The following RABGAP1L variants were observed in gnomAD, a reference collection of about 807,000 sequenced individuals.
RABGAP1L encodes the protein rab GTPase-activating protein 1-like.
Under a neutral mutation model 137.7 loss-of-function variants are expected in RABGAP1L, and 63 were observed. That is an observed-to-expected ratio of 0.46 (90% CI 0.37 to 0.56). RABGAP1L has a LOEUF of 0.56. Ranked by LOEUF, RABGAP1L falls within the 20% of genes least tolerant of loss-of-function variation. RABGAP1L has a pLI of 0.00. For missense variants in RABGAP1L, 1,095 were observed against 1,244.0 expected (o/e 0.88, Z 1.80); for synonymous variants, 431 against 433.7 (o/e 0.99, Z 0.08).
intron 13 of RABGAP1L, among the ~76,000 whole-genome samples, chr1:174,629,716 G>A (rs1459875950): frequency 6.6e-6 from 1 of 152,042 alleles, no homozygotes; most frequent in East Asian, 1.9e-4. Context: ...GTAGAGACTG[G>A]GTTTCACCGT....
intron 19 of RABGAP1L, among the ~76,000 whole-genome samples, chr1:174,919,855 AC>A (rs1661512307): frequency 6.6e-6 from 1 of 152,142 alleles, no homozygotes; most frequent in South Asian, 2.1e-4. Context: ...TTGTCTCAAA[AC>A]AAAACAAAAA....
chr1:174,890,188 A>T (rs1420651599), intron 19 of RABGAP1L, among the ~76,000 whole-genome samples: 1 of 152,258 alleles, frequency 6.6e-6, no homozygotes, highest in Non-Finnish European at 1.5e-5. Flanking sequence ...AAGAGATAAC[A>T]GTCCAGTTTG....
intron 13 of RABGAP1L, among the ~76,000 whole-genome samples, chr1:174,451,912 A>G (rs527274660): frequency 6.6e-5 from 10 of 152,270 alleles, no homozygotes; most frequent in Middle Eastern, 3.4e-3. Context: ...ATCTCTATCA[A>G]TTTCTTTTTG....
At chr1:174,886,867 C>T (rs1186794430) in intron 19 of RABGAP1L, among the ~76,000 whole-genome samples, 5 of 151,150 alleles carry the variant, frequency 3.3e-5, no homozygotes, top group South Asian at 4.2e-4. Flanking sequence ...CGTGCAATGG[C>T]GCAATCTCGG....
At chr1:174,617,827 A>G (rs1330220145) in intron 13 of RABGAP1L, among the ~76,000 whole-genome samples, 1 of 152,216 alleles carries the variant, frequency 6.6e-6, no homozygotes, top group East Asian at 1.9e-4. Context: ...CATTTCCAAC[A>G]GAAGCACTGG....
At chr1:174,327,956 A>AATATATATATATATATACATAT (rs1553274442) in intron 11 of RABGAP1L, among the ~76,000 whole-genome samples, 9 of 97,948 alleles carry the variant, frequency 9.2e-5, no homozygotes, top group African/African-American at 4.0e-4. Flanking sequence ...AACAGTTGTA[A>AATATATATATATATATACATAT]ATATATATAT....
intron 18 of RABGAP1L, among the ~76,000 whole-genome samples, chr1:174,763,946 G>A (rs1426641226): frequency 6.6e-6 from 1 of 151,502 alleles, no homozygotes. Flanking sequence ...CACCCCATAA[G>A]CATAGTAGCC....
At chr1:174,460,613 T>C (rs1481380247) in intron 13 of RABGAP1L, among the ~76,000 whole-genome samples, 1 of 152,118 alleles carries the variant, frequency 6.6e-6, no homozygotes, top group Admixed American at 6.6e-5. Flanking sequence ...TTTAAGATTA[T>C]TTATGTATAT....
chr1:174,392,581 A>G (rs1300515938), intron 12 of RABGAP1L, among the ~76,000 whole-genome samples: 3 of 152,244 alleles, frequency 2.0e-5, no homozygotes, highest in African/African-American at 7.2e-5. Flanking sequence ...ATGGTTTACT[A>G]AAATTATTAA....
rs2148677409 is a variant in RABGAP1L at position 174,752,297 on chromosome 1, T to G, written c.2170-16T>G. The G allele has an allele frequency of 1.9e-6, 3 of 1,569,848 alleles. No individual in the cohort carries two copies. In the East Asian group the frequency reaches 7.0e-5, roughly 36 times the overall value. On this transcript the variant is annotated splice_polypyrimidine_tract_variant and intron_variant, in intron 17 of 25. Transcript: ENST00000681986. ...CATGTGGCAGTACTAATCTTCACTT[T>G]CTTTTTCTATTTCAGGGTTTGAACA...
At chr1:174,400,266 A>G (rs181476853) in intron 13 of RABGAP1L, among the ~76,000 whole-genome samples, 26 of 152,090 alleles carry the variant, frequency 1.7e-4, no homozygotes, top group African/African-American at 5.5e-4. Flanking sequence ...AATATATTCG[A>G]TTTTGTGACT....
chr1:174,860,043 A>G (rs1416356524), intron 19 of RABGAP1L, among the ~76,000 whole-genome samples: 1 of 146,732 alleles, frequency 6.8e-6, no homozygotes, highest in Non-Finnish European at 1.5e-5. Flanking sequence ...TAATACAAGG[A>G]GGCATGATTA....
intron 1 of RABGAP1L, among the ~76,000 whole-genome samples, chr1:174,205,691 A>G (rs1182303490): frequency 6.6e-6 from 1 of 152,006 alleles, no homozygotes; most frequent in Non-Finnish European, 1.5e-5. Context: ...CTAGTGGCCT[A>G]TGTATCTTAC....
chr1:174,221,253 C>A, intron 3 of RABGAP1L, 89 bp downstream of exon 3: 1 of 1,081,364 alleles, frequency 9.2e-7, no homozygotes, highest in Non-Finnish European at 1.3e-6. Flanking sequence ...AAATTGTTAG[C>A]TCTTCTCAAG....
intron 19 of RABGAP1L, among the ~76,000 whole-genome samples, chr1:174,855,774 T>G (rs1649190152): frequency 6.6e-6 from 1 of 152,210 alleles, no homozygotes; most frequent in African/African-American, 2.4e-5. Flanking sequence ...TTTGTGTGTG[T>G]GGAGAATGTG....
At position 174,278,727 on chromosome 1, in the gene RABGAP1L, G is replaced by T; in HGVS notation, c.1271G>T (p.Trp424Leu). The T allele has an allele frequency of 6.3e-7, 1 of 1,584,904 alleles. No individual in the cohort carries two copies. Among genetic ancestry groups the T allele is most frequent in the Non-Finnish European group, 8.5e-7 (1 of 1,170,920 alleles). ...VRVYPANERF[W>L]YFSRKTFTET... ...GTGTACCCTGCAAATGAGCGATTTT[G>T]GTATTTCAGCAGAAAGACTTTCACA... The change falls in exon 10 of 26, where the codon TGG becomes TTG. Residue 424 changes from tryptophan (W) to leucine (L), a missense_variant. Around this residue, in one of 4 missense-constraint regions of RABGAP1L, gnomAD observed 315 missense variants for 324.8 expected, o/e 0.97. Transcript: ENST00000681986.
rs1213406531 is a variant in RABGAP1L, at chr1:174,990,750, G to A, written c.*749G>A. On this transcript the variant is annotated 3_prime_UTR_variant, in exon 26 of 26. Transcript: ENST00000681986. The stretch of plus-strand genomic sequence containing the variant: ...CTTGTGAGTTCCTAAGTACACCAAA[G>A]TATGGACACAGATGTGACTTCTGGC... 1.3e-5 allele frequency: 2 copies of A among 152,176 alleles called. No homozygotes were observed. Among genetic ancestry groups the A allele is most frequent in the Non-Finnish European group, 2.9e-5 (2 of 68,028 alleles). The allele number at this position is 152,176 out of a possible 1,614,324, so 9.4% of individuals were successfully genotyped here. A position where few individuals can be genotyped will look rare whatever the true frequency, so the allele number is the denominator to read the frequency against.
chr1:174,527,204 G>GTTTTTTTTTTTT (rs57011947), intron 13 of RABGAP1L, among the ~76,000 whole-genome samples: 2 of 119,656 alleles, frequency 1.7e-5, no homozygotes, highest in South Asian at 2.6e-4. Flanking sequence ...TTTTTATTTT[G>GTTTTTTTTTTTT]TTTTTTTTTT....
Position 174,249,601 on chromosome 1 carries a change from CT to C in RABGAP1L, c.718-861del, listed in dbSNP as rs199661095. Among the ~76,000 whole-genome samples the C allele has an allele frequency of 2.5e-3, 353 of 139,930 alleles. 1 individual carries two copies. The highest frequency in any genetic ancestry group is 7.4e-3 in the East Asian group (35 of 4,750). 91.8% of individuals were successfully genotyped at this position (139,930 alleles called of 152,430 possible). ...TGAGAAGCAAATATTTGAAAGATAGCTTTTTTTTTTTTTAAAGTAAAAGGAA... is the reference window on the plus strand; with the variant it reads ...TGAGAAGCAAATATTTGAAAGATAGCTTTTTTTTTTTTAAAGTAAAAGGAA... On this transcript the variant is annotated intron_variant, in intron 5 of 25. Coordinates refer to ENST00000681986, the MANE Select transcript of RABGAP1L (RefSeq NM_001366446.1).
Sources: allele counts gnomAD v4.1 joint callset (sites outside exome capture counted in the v4.1 genomes callset), GRCh38; gene constraint gnomAD v4.1.1; regional missense constraint gnomAD v4.1.1; transcripts MANE v1.5; gene names NCBI Gene and HGNC (gene_info 2026-07-23, HGNC 2026-07-21).